The following PLCG2 variants were observed in gnomAD, a reference collection of about 807,000 sequenced individuals.
PLCG2 encodes 1-phosphatidylinositol 4,5-bisphosphate phosphodiesterase gamma-2.
Under a neutral mutation model 175.6 loss-of-function variants are expected in PLCG2, and 69 were observed. The ratio of observed to expected loss-of-function variants is 0.39; its 90% CI spans 0.32 to 0.48. The LOEUF (loss-of-function observed/expected upper bound fraction) is 0.48, where lower values mean the gene tolerates loss of function less well. Ranked by LOEUF, PLCG2 falls within the 20% of genes least tolerant of loss-of-function variation. The pLI is 0.91. For missense variants in PLCG2, 1,798 were observed against 1,650.9 expected, an observed-to-expected ratio of 1.09 and a Z score of -1.54; for synonymous variants, 827 against 624.0, an observed-to-expected ratio of 1.33 and a Z score of -4.85.
chr16:81,962,559 A>G lies in PLCG2; in HGVS notation c.*4561A>G, dbSNP rs1911815370. 4.6e-6 allele frequency: 1 copy of G among 219,686 alleles called. No homozygotes were observed. Among genetic ancestry groups the G allele is most frequent in the Non-Finnish European group, 9.1e-6 (1 of 109,666 alleles). The allele number at this position is 219,686 out of a possible 1,614,324, so 13.6% of individuals were successfully genotyped here. ...TATTAAAGCTTAATTTATTTTTTAT[A>G]TAAATAGTATGTGCTTTGTGTACAT... On this transcript the variant is annotated 3_prime_UTR_variant, in exon 33 of 33. Coordinates refer to ENST00000564138, the MANE Select transcript of PLCG2 (RefSeq NM_002661.5).
At chr16:81,761,032 G>C (rs1374127183) in intron 2 of PLCG2, among the ~76,000 whole-genome samples, 1 of 152,064 alleles carries the variant, frequency 6.6e-6, no homozygotes, top group Non-Finnish European at 1.5e-5. Flanking sequence ...CAGTAGCTGG[G>C]ACTATAAGTG....
At chr16:81,833,434 G>T (rs976592568) in intron 2 of PLCG2, among the ~76,000 whole-genome samples, 1 of 151,948 alleles carries the variant, frequency 6.6e-6, no homozygotes, top group Non-Finnish European at 1.5e-5. Flanking sequence ...GGGTGAGGAG[G>T]AGGCACCTGG....
intron 2 of PLCG2, chr16:81,766,920 G>A (rs563280861): frequency 3.3e-5 from 5 of 152,112 alleles, no homozygotes; most frequent in South Asian, 2.1e-4. Context: ...GTCTGTCCAG[G>A]TCATTCTTCT....
chr16:81,856,991 C>T (rs1465735229), intron 3 of PLCG2, among the ~76,000 whole-genome samples: 2 of 152,168 alleles, frequency 1.3e-5, no homozygotes, highest in Non-Finnish European at 2.9e-5. Context: ...AGATTCTTCC[C>T]CAGAGCTTTC....
chr16:81,766,608 C>T (rs1287579022), intron 2 of PLCG2: 1 of 152,472 alleles, frequency 6.6e-6, no homozygotes, highest in African/African-American at 2.4e-5. Context: ...AAAGTGCTCA[C>T]CCCACTGGAA....
chr16:81,945,095 GAGAAA>G (rs1911100582), intron 30 of PLCG2, among the ~76,000 whole-genome samples: 1 of 152,208 alleles, frequency 6.6e-6, no homozygotes, highest in Non-Finnish European at 1.5e-5. Flanking sequence ...AAATTGGGGA[GAGAAA>G]AGGAACAGGT....
At chr16:81,776,157 A>G (rs555881579), upstream of PLCG2, among the ~76,000 whole-genome samples, 16 of 113,390 alleles carry the variant, frequency 1.4e-4, no homozygotes, top group South Asian at 6.1e-4. Context: ...TGCCCAGGCT[A>G]GAGTGCAGTG....
chr16:81,854,312 C>G (rs182302812), intron 2 of PLCG2, 132 bp from the exon 3 acceptor site: 4 of 801,584 alleles, frequency 5.0e-6, no homozygotes, highest in South Asian at 1.6e-5. Context: ...TGAGTCCAGA[C>G]GCAGAGATAG....
intron 2 of PLCG2, among the ~76,000 whole-genome samples, chr16:81,769,922 G>A (rs1910241717): frequency 6.6e-6 from 1 of 151,390 alleles, no homozygotes; most frequent in Non-Finnish European, 1.5e-5. Context: ...TAATGCCTCT[G>A]AGCCTCGGTT....
intron 5 of PLCG2, among the ~76,000 whole-genome samples, chr16:81,866,253 C>G (rs1231049767): frequency 7.7e-6 from 1 of 129,306 alleles, no homozygotes; most frequent in Non-Finnish European, 1.6e-5. Flanking sequence ...CCAGGATGAG[C>G]TCCACTGGGG....
At chr16:81,760,716 G>A (rs1910020417) in intron 2 of PLCG2, among the ~76,000 whole-genome samples, 1 of 148,696 alleles carries the variant, frequency 6.7e-6, no homozygotes, top group Non-Finnish European at 1.5e-5. Flanking sequence ...TTCAAGAGCA[G>A]CCTGGGCAAC....
chr16:81,830,800 G>C (rs1905229785), intron 2 of PLCG2, among the ~76,000 whole-genome samples: 1 of 151,984 alleles, frequency 6.6e-6, no homozygotes, highest in Non-Finnish European at 1.5e-5. Flanking sequence ...TGATAGTGGA[G>C]GGGGATGGGA....
At chr16:81,880,790 A>G in intron 7 of PLCG2, 120 bp from the exon 8 acceptor site, 1 of 860,484 alleles carries the variant, frequency 1.2e-6, no homozygotes, top group Non-Finnish European at 1.9e-6. Flanking sequence ...CTAAAATGAT[A>G]TTTTTAATGA....
At position 81,957,974 on chromosome 16, in the gene PLCG2, C is replaced by A. The variant is rs548037721; in HGVS notation, c.3774C>A (p.Val1258=). The A allele has an allele frequency of 6.2e-7, 1 of 1,613,534 alleles. No individual in the cohort carries two copies. Among genetic ancestry groups the A allele is most frequent in the South Asian group, 1.1e-5 (1 of 91,056 alleles). The part of the protein sequence containing the change: ...KCNKRLREKR[V]SNSKFYS ...ATTTCAGGTTAAGAGAGAAGAGAGT[C>A]AGCAACAGCAAGTTTTACTCATAGA... Residue 1258 remains valine, a synonymous_variant, in exon 33 of 33, where the codon GTC becomes GTA. Coordinates refer to ENST00000564138, the MANE Select transcript of PLCG2 (RefSeq NM_002661.5).
chr16:81,940,187 T>A lies in PLCG2; in HGVS notation c.3481+128T>A, dbSNP rs578182916. On this transcript the variant is annotated intron_variant, in intron 30 of 32. Coordinates refer to ENST00000564138, the MANE Select transcript of PLCG2 (RefSeq NM_002661.5). ...TGGAATCACTGTAAAACCGATTGGG[T>A]GGCTTGGAGAGCAGGTGTACAGCCT... The A allele has an allele frequency of 4.5e-4, 354 of 778,544 alleles. 2 individuals carry two copies. The highest frequency in any genetic ancestry group is 5.7e-4 in the Non-Finnish European group (276 of 487,272). 48.2% of individuals were successfully genotyped at this position (778,544 alleles called of 1,614,324 possible).
intron 2 of PLCG2, among the ~76,000 whole-genome samples, chr16:81,827,872 C>G (rs971741635): frequency 1.3e-5 from 2 of 152,028 alleles, no homozygotes; most frequent in Non-Finnish European, 2.9e-5. Context: ...GGGTGGATCA[C>G]CTGAGGTCGG....
intron 6 of PLCG2, 65 bp downstream of exon 6, chr16:81,869,363 C>T (rs1907401748): frequency 1.7e-6 from 2 of 1,177,008 alleles, no homozygotes; most frequent in Non-Finnish European, 1.3e-6. Flanking sequence ...TCTCATGAAG[C>T]CGTGGCTTGC....
At chr16:81,797,527 G>A (rs1329438452) in intron 2 of PLCG2, among the ~76,000 whole-genome samples, 1 of 152,220 alleles carries the variant, frequency 6.6e-6, no homozygotes, top group Admixed American at 6.5e-5. Flanking sequence ...GGGAGGCCAG[G>A]GACCCTGTCT....
Position 81,959,406 on chromosome 16 carries a change from G to A in PLCG2, c.*1408G>A, listed in dbSNP as rs1229287497. ...TCCCTTCACTCTACAAAAACTTACT[G>A]ATCACCTCCACATGCCAAATACAGT... is the stretch of plus-strand genomic sequence containing the variant. On this transcript the variant is annotated 3_prime_UTR_variant, in exon 33 of 33. Coordinates refer to ENST00000564138, the MANE Select transcript of PLCG2 (RefSeq NM_002661.5). 1 of 221,420 alleles carries A rather than the reference G, an allele frequency of 4.5e-6. No individual in the cohort carries two copies. Among genetic ancestry groups the A allele is most frequent in the Non-Finnish European group, 9.0e-6 (1 of 110,688 alleles). The allele number at this position is 221,420 out of a possible 1,614,324, so 13.7% of individuals were successfully genotyped here.
Sources: gnomAD v4.1 joint callset for allele counts (sites outside exome capture counted in the v4.1 genomes callset) on GRCh38, gnomAD v4.1.1 for gene constraint, MANE v1.5 for transcripts, NCBI Gene and HGNC (gene_info 2026-07-23, HGNC 2026-07-21) for gene names.